Variants in AGMO observed in about 807,000 individuals in gnomAD.
AGMO encodes the protein glyceryl-ether monooxygenase.
Under a neutral mutation model 60.2 loss-of-function variants are expected in AGMO, and 75 were observed. That is an observed-to-expected ratio of 1.25 (90% CI 1.03 to 1.51). The LOEUF is 1.51. Among genes scored for constraint, AGMO ranks in the 40% most tolerant of loss-of-function variants. The pLI, the probability that AGMO is intolerant of heterozygous loss-of-function variation, is 0.00. For synonymous variants in AGMO, 261 were observed against 177.1 expected (o/e 1.47, Z -3.76); for missense variants, 763 against 525.5 (o/e 1.45, Z -4.42).
intron 12 of AGMO, among the ~76,000 whole-genome samples, chr7:15,300,798 A>G (rs548658184): frequency 3.3e-5 from 5 of 152,314 alleles, no homozygotes; most frequent in Admixed American, 3.3e-4. Flanking sequence ...TCCAAAAAAA[A>G]TGACACAAAT....
At chr7:15,556,410 C>T (rs1268720899) in intron 2 of AGMO, among the ~76,000 whole-genome samples, 1 of 151,804 alleles carries the variant, frequency 6.6e-6, no homozygotes. Context: ...TGAAAATTTA[C>T]CTACTTAAAT....
chr7:15,364,556 G>T (rs1782893436), intron 12 of AGMO, among the ~76,000 whole-genome samples: 1 of 151,922 alleles, frequency 6.6e-6, no homozygotes, highest in South Asian at 2.1e-4. Flanking sequence ...CTTACGTCAT[G>T]ACAAATAATG....
intron 12 of AGMO, among the ~76,000 whole-genome samples, chr7:15,248,961 A>T (rs1032031025): frequency 1.3e-5 from 2 of 152,214 alleles, no homozygotes; most frequent in Non-Finnish European, 2.9e-5. Context: ...AGGATACATA[A>T]ATCGGTATGC....
At chr7:15,398,093 T>C (rs2128488703) in intron 5 of AGMO, among the ~76,000 whole-genome samples, 1 of 152,300 alleles carries the variant, frequency 6.6e-6, no homozygotes, top group East Asian at 1.9e-4. Context: ...TGTTTGTTTC[T>C]TTGGTGCCCA....
intron 12 of AGMO, among the ~76,000 whole-genome samples, chr7:15,257,325 A>C (rs1404221102): frequency 6.6e-6 from 1 of 152,188 alleles, no homozygotes; most frequent in Non-Finnish European, 1.5e-5. Context: ...CTTGATACCT[A>C]CTATGGACAT....
intron 12 of AGMO, among the ~76,000 whole-genome samples, chr7:15,316,581 T>C (rs979064897): frequency 1.4e-5 from 2 of 144,508 alleles, no homozygotes; most frequent in African/African-American, 5.3e-5. Context: ...GAAGACTTCT[T>C]GTATGAGACT....
At chr7:15,487,742 G>A (rs1782958684) in intron 3 of AGMO, among the ~76,000 whole-genome samples, 1 of 151,080 alleles carries the variant, frequency 6.6e-6, no homozygotes, top group Non-Finnish European at 1.5e-5. Context: ...TGATATTTTG[G>A]GGAAAAAAAA....
intron 3 of AGMO, among the ~76,000 whole-genome samples, chr7:15,508,246 A>G (rs1471519847): frequency 6.6e-6 from 1 of 152,122 alleles, no homozygotes; most frequent in East Asian, 1.9e-4. Context: ...TAAAATATCT[A>G]ACAAAAAATG....
chr7:15,208,060 A>C (rs1781486917), intron 12 of AGMO, among the ~76,000 whole-genome samples: 1 of 152,252 alleles, frequency 6.6e-6, no homozygotes, highest in Non-Finnish European at 1.5e-5. Context: ...ATCATGAATC[A>C]CAAATTATGC....
At chr7:15,372,509 A>G (rs771516473) in intron 10 of AGMO, among the ~76,000 whole-genome samples, 16 of 152,314 alleles carry the variant, frequency 1.1e-4, no homozygotes, top group East Asian at 1.9e-4. Context: ...TATATATTGA[A>G]TATGTGCTGG....
intron 12 of AGMO, among the ~76,000 whole-genome samples, chr7:15,356,379 AG>A (rs1782529435): frequency 6.6e-6 from 1 of 151,140 alleles, no homozygotes; most frequent in Admixed American, 6.5e-5. Flanking sequence ...GGCAACAAAA[AG>A]AATACATTTT....
the AGMO span, among the ~76,000 whole-genome samples, chr7:15,184,287 AAGGAAGGGAGGCAGGC>A: frequency 0.32 from 35,931 of 112,258 alleles, 9,277 homozygotes; most frequent in Non-Finnish European, 0.43. Context: ...AAAAGGAAGG[AAGGAAGGGAGGCAGGC>A]AGGGAGGGAG....
At chr7:15,193,583 G>A in the AGMO span, among the ~76,000 whole-genome samples, 1 of 152,016 alleles carries the variant, frequency 6.6e-6, no homozygotes, top group Non-Finnish European at 1.5e-5. Flanking sequence ...TCCTTTCCTA[G>A]TTTAATAGGG....
chr7:15,494,300 G>T (rs1399302357), intron 3 of AGMO, among the ~76,000 whole-genome samples: 6 of 152,116 alleles, frequency 3.9e-5, no homozygotes, highest in Non-Finnish European at 7.3e-5. Flanking sequence ...CTATGCTCAG[G>T]CTGTGGCATA....
At chr7:15,531,794 G>T (rs1053962060) in intron 3 of AGMO, among the ~76,000 whole-genome samples, 3 of 150,666 alleles carry the variant, frequency 2.0e-5, no homozygotes, top group Non-Finnish European at 4.4e-5. Flanking sequence ...CCAAGTAGCT[G>T]GGATTATAGG....
the AGMO span, among the ~76,000 whole-genome samples, chr7:15,122,029 A>T: frequency 6.6e-6 from 1 of 152,174 alleles, no homozygotes; most frequent in Admixed American, 6.5e-5. Context: ...ACCAAAATCA[A>T]TTGCGACAAA....
chr7:15,339,542 CATT>C (rs1781767286), intron 12 of AGMO, among the ~76,000 whole-genome samples: 1 of 152,102 alleles, frequency 6.6e-6, no homozygotes, highest in Non-Finnish European at 1.5e-5. Flanking sequence ...CAATTTGCAA[CATT>C]ATATGTCAGA....
chr7:15,210,058 A>G (rs1368283883), intron 12 of AGMO, among the ~76,000 whole-genome samples: 1 of 152,180 alleles, frequency 6.6e-6, no homozygotes, highest in Admixed American at 6.5e-5. Flanking sequence ...TATTATTAAA[A>G]CAAAGATTGT....
At chr7:15,233,490 G>T (rs1308940417) in intron 12 of AGMO, among the ~76,000 whole-genome samples, 3 of 152,060 alleles carry the variant, frequency 2.0e-5, no homozygotes, top group Non-Finnish European at 4.4e-5. Context: ...GAGAGTAGAG[G>T]GTACCAGGGA....
Sources: gnomAD v4.1 joint callset for allele counts (sites outside exome capture counted in the v4.1 genomes callset) on GRCh38, gnomAD v4.1.1 for gene constraint, MANE v1.5 for transcripts, NCBI Gene and HGNC (gene_info 2026-07-23, HGNC 2026-07-21) for gene names.